OR2AT4: variants seen among roughly 807,000 people sequenced by gnomAD.
OR2AT4 encodes olfactory receptor family 2 subfamily AT member 4, also known as olfactory receptor 2AT4.
Under a neutral mutation model 10.3 loss-of-function variants are expected in OR2AT4, and 6 were observed. The ratio of observed to expected loss-of-function variants is 0.58; its 90% CI spans 0.32 to 1.15. The LOEUF (loss-of-function observed/expected upper bound fraction) is 1.15, where lower values mean the gene tolerates loss of function less well. Ranked by LOEUF, OR2AT4 falls within the 50% of genes most tolerant of loss-of-function variation. The pLI is 0.05. For missense variants in OR2AT4, 354 were observed against 393.8 expected (o/e 0.90, Z 0.85); for synonymous variants, 145 against 159.1 (o/e 0.91, Z 0.67).
At chr11:75,089,421 C>A in exon 2 of OR2AT4, 1 of 1,614,118 alleles carries the variant, frequency 6.2e-7, no homozygotes, top group Non-Finnish European at 8.5e-7. Flanking sequence ...GGAAGAAAAG[C>A]TGAGGAAGCG....
In OR2AT4 at chr11:75,093,810, C is replaced by CTTTTTT. The variant is rs556380402; in HGVS notation, c.-652+3012_-652+3017dup. ...TTTTCTTTTTTTTCTTTTTCTTTTT[C>CTTTTTT]TTTTTTTTTTTTTTTTTTTTTTTTT... On this transcript the variant is annotated intron_variant, in intron 1 of 1. Transcript: ENST00000641504. Among the ~76,000 whole-genome samples the CTTTTTT allele has an allele frequency of 4.2e-3, 257 of 61,796 alleles. 1 individual carries two copies. The highest frequency in any genetic ancestry group is 4.7e-3 in the Non-Finnish European group (165 of 35,408). The allele number at this position is 61,796 out of a possible 152,430, so 40.5% of individuals were successfully genotyped here.
At chr11:75,095,491 T>G (rs528027008) in intron 1 of OR2AT4, among the ~76,000 whole-genome samples, 3 of 152,268 alleles carry the variant, frequency 2.0e-5, no homozygotes, top group East Asian at 3.9e-4. Flanking sequence ...TCTATTTATG[T>G]GTCCACCACA....
intron 1 of OR2AT4, among the ~76,000 whole-genome samples, chr11:75,094,146 G>C (rs538187882): frequency 9.5e-4 from 144 of 151,906 alleles, no homozygotes; most frequent in Non-Finnish European, 1.3e-3. Context: ...AATATAGAAA[G>C]GGCAAAAGAC....
chr11:75,082,236 T>C (rs1326967928), exon 2 of OR2AT4: 2 of 151,946 alleles, frequency 1.3e-5, no homozygotes, highest in Non-Finnish European at 2.9e-5. Context: ...CCTACAGCCA[T>C]ATGATCTTCA....
exon 2 of OR2AT4, chr11:75,089,080 A>T: frequency 6.2e-7 from 1 of 1,613,948 alleles, no homozygotes; most frequent in South Asian, 1.1e-5. Context: ...GGGAGGAAGG[A>T]CACCACCATG....
chr11:75,089,961 A>G, exon 2 of OR2AT4: 1 of 476,908 alleles, frequency 2.1e-6, no homozygotes, highest in East Asian at 3.2e-5. Context: ...CCAACCAAAT[A>G]GAAGTCTGTA....
exon 2 of OR2AT4, chr11:75,083,511 G>C (rs1287848289): frequency 1.3e-5 from 2 of 152,058 alleles, no homozygotes; most frequent in Admixed American, 1.3e-4. Flanking sequence ...ATAAAATAGA[G>C]CTATCATTTG....
chr11:75,090,828 A>G (rs1949317486), intron 1 of OR2AT4, among the ~76,000 whole-genome samples: 1 of 151,122 alleles, frequency 6.6e-6, no homozygotes. Flanking sequence ...TTAAGAGAAT[A>G]GAGGAAGAGG....
exon 2 of OR2AT4, chr11:75,088,904 G>A: frequency 6.2e-7 from 1 of 1,614,104 alleles, no homozygotes; most frequent in Non-Finnish European, 8.5e-7. Flanking sequence ...CAAGGGGCAG[G>A]TCAGCCCTGT....
exon 2 of OR2AT4, chr11:75,083,821 AT>A (rs1289679538): frequency 6.6e-6 from 1 of 152,156 alleles, no homozygotes; most frequent in Non-Finnish European, 1.5e-5. Flanking sequence ...AAACTACAAA[AT>A]TAGCTGGGCA....
chr11:75,096,454 G>A (rs1246385964), intron 1 of OR2AT4, among the ~76,000 whole-genome samples: 1 of 151,940 alleles, frequency 6.6e-6, no homozygotes, highest in Non-Finnish European at 1.5e-5. Flanking sequence ...CAGAATCTAG[G>A]TCTATTAACT....
chr11:75,088,907 A>G, exon 2 of OR2AT4: 1 of 1,614,134 alleles, frequency 6.2e-7, no homozygotes, highest in African/African-American at 1.3e-5. Context: ...GGGGCAGGTC[A>G]GCCCTGTAGG....
At chr11:75,088,262 A>G (rs1386358523) in exon 2 of OR2AT4, 1 of 152,502 alleles carries the variant, frequency 6.6e-6, no homozygotes, top group Admixed American at 6.5e-5. Flanking sequence ...CCTCACAAGC[A>G]AGTTATAAAA....
At chr11:75,089,659 A>G in exon 2 of OR2AT4, 2 of 1,613,920 alleles carry the variant, frequency 1.2e-6, no homozygotes, top group Non-Finnish European at 8.5e-7. Context: ...GGGATGCCCA[A>G]TAGATAGAAG....
At chr11:75,090,754 G>A (rs1235248336) in intron 1 of OR2AT4, among the ~76,000 whole-genome samples, 1 of 152,186 alleles carries the variant, frequency 6.6e-6, no homozygotes, top group Non-Finnish European at 1.5e-5. Flanking sequence ...ATGCAAGGGA[G>A]GCTAGAAAGC....
At chr11:75,089,490 T>C in exon 2 of OR2AT4, 1 of 1,614,090 alleles carries the variant, frequency 6.2e-7, no homozygotes, top group Non-Finnish European at 8.5e-7. Flanking sequence ...GAAAAGGATG[T>C]CCAAGGTGGA....
intron 1 of OR2AT4, among the ~76,000 whole-genome samples, chr11:75,093,789 CT>C (rs1226154229): frequency 3.5e-5 from 4 of 114,364 alleles, no homozygotes; most frequent in Non-Finnish European, 7.8e-5. Context: ...TTTCTCTTTT[CT>C]TTTTTTTCTT....
In OR2AT4 at chr11:75,088,795, TG is replaced by T. The variant is rs780320932; in HGVS notation, c.918del (p.Thr307ProfsTer17). 3 of 1,587,996 alleles carry T rather than the reference TG, an allele frequency of 1.9e-6. No homozygotes were observed. Among genetic ancestry groups the T allele is most frequent in the Non-Finnish European group, 2.6e-6 (3 of 1,165,780 alleles). ...CCTGGGTCTTGAGACATGATTTTGG[TG>T]ATGGCTGCCTTTACATCCCTGTTTC... is the stretch of plus-strand genomic sequence containing the variant. On this transcript the variant is annotated frameshift_variant, in exon 2 of 2. Transcript: ENST00000641504. LOFTEE classifies it low-confidence loss of function (END_TRUNC).
chr11:75,088,475 C>T, exon 2 of OR2AT4: 1 of 255,150 alleles, frequency 3.9e-6, no homozygotes, highest in Non-Finnish European at 7.4e-6. Flanking sequence ...ATGTTTATTT[C>T]AATCTTCTAC....
Sources: allele counts gnomAD v4.1 joint callset (sites outside exome capture counted in the v4.1 genomes callset), GRCh38; gene constraint gnomAD v4.1.1; transcripts MANE v1.5; gene names NCBI Gene and HGNC (gene_info 2026-07-23, HGNC 2026-07-21).